TAS2R1: variants seen among roughly 807,000 people sequenced by gnomAD.
The protein encoded by TAS2R1 is taste 2 receptor member 1.
For missense variants in TAS2R1, 370 were observed against 353.4 expected (o/e 1.05, Z -0.38); for synonymous variants, 141 against 134.2 (o/e 1.05, Z -0.35).
chr5:9,898,224 T>A, the TAS2R1 span, among the ~76,000 whole-genome samples: 1 of 152,204 alleles, frequency 6.6e-6, no homozygotes, highest in Admixed American at 6.5e-5. Context: ...TCTCCTCCTA[T>A]TATCAGTGGG....
the TAS2R1 span, among the ~76,000 whole-genome samples, chr5:9,816,191 A>C: frequency 6.6e-6 from 1 of 151,876 alleles, no homozygotes; most frequent in African/African-American, 2.4e-5. Flanking sequence ...TCAGCTATAC[A>C]CTGTTTTGAT....
the TAS2R1 span, among the ~76,000 whole-genome samples, chr5:9,856,281 T>G: frequency 6.6e-6 from 1 of 152,146 alleles, no homozygotes; most frequent in Non-Finnish European, 1.5e-5. Flanking sequence ...AATTCCTGCT[T>G]TGATTCTGCA....
the TAS2R1 span, among the ~76,000 whole-genome samples, chr5:9,720,998 G>A: frequency 6.6e-5 from 10 of 151,668 alleles, no homozygotes; most frequent in Non-Finnish European, 1.3e-4. Context: ...CTGCTGCAGC[G>A]CCCACCCTGC....
At chr5:9,687,882 A>C (rs1030235952) in intron 1 of TAS2R1, among the ~76,000 whole-genome samples, 3 of 152,150 alleles carry the variant, frequency 2.0e-5, no homozygotes, top group African/African-American at 7.2e-5. Flanking sequence ...ACCTCAAGAC[A>C]TTGTATAAGC....
At chr5:9,717,389 T>G in the TAS2R1 span, among the ~76,000 whole-genome samples, 4 of 151,816 alleles carry the variant, frequency 2.6e-5, no homozygotes, top group Non-Finnish European at 5.9e-5. Flanking sequence ...GAGAGACCCC[T>G]TGCTCTTGAT....
At chr5:9,704,388 A>C (rs186174414) in intron 1 of TAS2R1, among the ~76,000 whole-genome samples, 1 of 152,126 alleles carries the variant, frequency 6.6e-6, no homozygotes, top group Non-Finnish European at 1.5e-5. Flanking sequence ...AGATATTACA[A>C]ATCTAATTTA....
chr5:9,836,725 T>C, the TAS2R1 span, among the ~76,000 whole-genome samples: 1 of 152,064 alleles, frequency 6.6e-6, no homozygotes, highest in African/African-American at 2.4e-5. Context: ...ATAAAGCAAA[T>C]AGCAAAACCA....
chr5:9,813,026 T>A, the TAS2R1 span, among the ~76,000 whole-genome samples: 1 of 152,190 alleles, frequency 6.6e-6, no homozygotes, highest in Non-Finnish European at 1.5e-5. Flanking sequence ...TAACCCCTGT[T>A]GAGGAATGTG....
chr5:9,750,950 T>C, the TAS2R1 span, among the ~76,000 whole-genome samples: 2 of 151,928 alleles, frequency 1.3e-5, no homozygotes, highest in African/African-American at 4.8e-5. Context: ...TACCATGTTA[T>C]ACTTCAATAC....
chr5:9,724,516 T>C, the TAS2R1 span, among the ~76,000 whole-genome samples: 2 of 152,206 alleles, frequency 1.3e-5, no homozygotes, highest in South Asian at 2.1e-4. Flanking sequence ...TCCCACCATG[T>C]AGGGACTGCA....
chr5:9,687,722 C>T lies in TAS2R1; in HGVS notation c.-242+24450G>A, dbSNP rs143701261. Reference sequence around the variant, plus strand: ...TTGTCACAAACCATTTTCTGCTCCGCGGGCCCAAGAGGCTTTGTTCAAAGC... The same window carrying T: ...TTGTCACAAACCATTTTCTGCTCCGTGGGCCCAAGAGGCTTTGTTCAAAGC... On this transcript the variant is annotated intron_variant, in intron 1 of 2. Transcript: ENST00000506620. 2.9e-4 allele frequency among the ~76,000 whole-genome samples: 44 copies of T among 152,310 alleles called. No homozygotes were observed. In the East Asian group the frequency reaches 3.9e-3, roughly 13 times the overall value.
chr5:9,711,710 C>G (rs1277556505), intron 1 of TAS2R1, among the ~76,000 whole-genome samples: 1 of 152,102 alleles, frequency 6.6e-6, no homozygotes, highest in African/African-American at 2.4e-5. Context: ...CTCTGTGGCC[C>G]AGGCTGGAGC....
intron 1 of TAS2R1, among the ~76,000 whole-genome samples, chr5:9,667,052 C>T (rs1315855427): frequency 6.6e-6 from 1 of 152,080 alleles, no homozygotes; most frequent in Non-Finnish European, 1.5e-5. Context: ...CTACATGAGA[C>T]ATGAAATATT....
At chr5:9,788,283 T>C in the TAS2R1 span, among the ~76,000 whole-genome samples, 6 of 152,208 alleles carry the variant, frequency 3.9e-5, no homozygotes, top group African/African-American at 1.2e-4. Context: ...AACACACCAG[T>C]TGATATTCTG....
At chr5:9,870,586 T>C in the TAS2R1 span, among the ~76,000 whole-genome samples, 6 of 152,162 alleles carry the variant, frequency 3.9e-5, no homozygotes, top group Admixed American at 6.6e-5. Context: ...ACAAAGATGG[T>C]TAAAACATGG....
chr5:9,729,665 C>T, the TAS2R1 span, among the ~76,000 whole-genome samples: 126 of 152,194 alleles, frequency 8.3e-4, no homozygotes, highest in East Asian at 0.017. Context: ...AGCAGGCACG[C>T]GTAAAACCGG....
intron 2 of TAS2R1, among the ~76,000 whole-genome samples, chr5:9,654,577 C>T (rs2126490851): frequency 6.6e-6 from 1 of 152,214 alleles, no homozygotes; most frequent in Admixed American, 6.5e-5. Flanking sequence ...GGAATAAGTG[C>T]ATAGTCCAGA....
At chr5:9,721,100 A>G in the TAS2R1 span, among the ~76,000 whole-genome samples, 1 of 152,204 alleles carries the variant, frequency 6.6e-6, no homozygotes. Flanking sequence ...TAGCTGATCA[A>G]GCCTTTTTTT....
chr5:9,758,109 T>C, the TAS2R1 span, among the ~76,000 whole-genome samples: 2 of 152,178 alleles, frequency 1.3e-5, no homozygotes, highest in Non-Finnish European at 2.9e-5. Flanking sequence ...TTTTTAAAAG[T>C]CTAGCACTTT....
Sources: gnomAD v4.1 joint callset for allele counts (sites outside exome capture counted in the v4.1 genomes callset) on GRCh38, gnomAD v4.1.1 for gene constraint, MANE v1.5 for transcripts, NCBI Gene and HGNC (gene_info 2026-07-23, HGNC 2026-07-21) for gene names.